The following WWC1 variants were observed in gnomAD, a reference collection of about 807,000 sequenced individuals.
WWC1 encodes protein KIBRA.
In WWC1, 55 loss-of-function variants were observed where a neutral mutation model predicts 138.4. The observed-to-expected ratio is 0.40, with a 90% confidence interval of 0.32 to 0.50. The LOEUF is 0.50. WWC1 is among the 20% of genes least tolerant of loss of function. The pLI is 0.72. For missense variants in WWC1, 1,226 were observed against 1,420.4 expected (o/e 0.86, Z 2.20); for synonymous variants, 524 against 564.9 (o/e 0.93, Z 1.03).
chr5:168,407,718 A>G (rs530716412), intron 6 of WWC1, among the ~76,000 whole-genome samples: 9 of 152,302 alleles, frequency 5.9e-5, no homozygotes, highest in Non-Finnish European at 1.2e-4. Context: ...ATCATAGGTC[A>G]TTCTTTGTAT....
chr5:168,314,777 G>A (rs1348126823), intron 1 of WWC1, among the ~76,000 whole-genome samples: 1 of 152,072 alleles, frequency 6.6e-6, no homozygotes, highest in Non-Finnish European at 1.5e-5. Flanking sequence ...AGCCATTCAC[G>A]GGCTGCAGAG....
chr5:168,397,577 T>C (rs919846503), intron 3 of WWC1, 147 bp from the exon 4 acceptor site: 35 of 739,046 alleles, frequency 4.7e-5, no homozygotes, highest in Non-Finnish European at 1.1e-5. Context: ...GTGTACCATC[T>C]TTATGTAACA....
Position 168,351,144 on chromosome 5 carries a change from C to CAA in WWC1, c.120-20264_120-20263dup, listed in dbSNP as rs959882089. 2.5e-3 allele frequency among the ~76,000 whole-genome samples: 264 copies of CAA among 105,472 alleles called. 1 individual carries two copies. Among genetic ancestry groups the CAA allele is most frequent in the African/African-American group, 8.0e-3 (239 of 29,886 alleles). 69.2% of individuals were successfully genotyped at this position (105,472 alleles called of 152,430 possible). On this transcript the variant is annotated intron_variant, in intron 1 of 22. Coordinates refer to ENST00000265293, the MANE Select transcript of WWC1 (RefSeq NM_015238.3). ...CCTGGGCAACAGTGAGACCTTGTCT[C>CAA]AAAAAAAAAAAAAAAAATCCCAGCT...
chr5:168,421,642 G>T (rs1317216059), intron 9 of WWC1, among the ~76,000 whole-genome samples: 1 of 152,162 alleles, frequency 6.6e-6, no homozygotes, highest in Non-Finnish European at 1.5e-5. Context: ...AGGAGGGTAT[G>T]GTTGGGTGAA....
chr5:168,374,572 A>T (rs1229510009), intron 2 of WWC1, among the ~76,000 whole-genome samples: 1 of 152,074 alleles, frequency 6.6e-6, no homozygotes, highest in African/African-American at 2.4e-5. Context: ...GAGAGGGGAG[A>T]AGGACATCAG....
chr5:168,356,459 C>T (rs1004047679), intron 1 of WWC1, among the ~76,000 whole-genome samples: 1 of 152,214 alleles, frequency 6.6e-6, no homozygotes, highest in African/African-American at 2.4e-5. Flanking sequence ...TGTCATACAT[C>T]GGTGTCAGGC....
intron 2 of WWC1, among the ~76,000 whole-genome samples, chr5:168,380,330 G>A (rs1777521518): frequency 6.6e-6 from 1 of 152,092 alleles, no homozygotes; most frequent in Admixed American, 6.5e-5. Flanking sequence ...ATCAGCTGGG[G>A]CATGGTGGTA....
At chr5:168,445,844 T>G (rs1755209105) in intron 17 of WWC1, among the ~76,000 whole-genome samples, 1 of 152,174 alleles carries the variant, frequency 6.6e-6, no homozygotes, top group African/African-American at 2.4e-5. Context: ...CCGAGGCTGC[T>G]TTATAGCCCA....
chr5:168,395,155 C>T (rs11750779), intron 3 of WWC1, among the ~76,000 whole-genome samples: 1 of 152,262 alleles, frequency 6.6e-6, no homozygotes, highest in South Asian at 2.1e-4. Context: ...CTCTCCCTGT[C>T]TGAGTCAGGT....
chr5:168,370,339 C>T (rs1336257326), intron 1 of WWC1, among the ~76,000 whole-genome samples: 3 of 152,184 alleles, frequency 2.0e-5, no homozygotes, highest in African/African-American at 7.2e-5. Flanking sequence ...AGCAGGGGAG[C>T]TGTTGGGAGG....
chr5:168,408,631 C>T lies in WWC1; in HGVS notation c.845C>T (p.Ser282Phe). 1 of 1,614,128 alleles carries T rather than the reference C, an allele frequency of 6.2e-7. No individual in the cohort carries two copies. Among genetic ancestry groups the T allele is most frequent in the East Asian group, 2.2e-5 (1 of 44,872 alleles). The change falls in exon 7 of 23, where the codon TCC becomes TTC. Residue 282 changes from serine (S) to phenylalanine (F), a missense_variant. Transcript: ENST00000265293. Reference sequence around the variant, plus strand: ...CCGAAACAGTACCTGGATGTGAGCTCCCAGACAGACATCTCGGGAAGCGTG... The same window carrying T: ...CCGAAACAGTACCTGGATGTGAGCTTCCAGACAGACATCTCGGGAAGCGTG... ...PLPKQYLDVSSQTDISGSFGI... is the reference protein window; with the variant it reads ...PLPKQYLDVSFQTDISGSFGI...
intron 1 of WWC1, among the ~76,000 whole-genome samples, chr5:168,297,060 A>G (rs1317740058): frequency 6.6e-6 from 1 of 152,152 alleles, no homozygotes; most frequent in Non-Finnish European, 1.5e-5. Flanking sequence ...TAATTGACAT[A>G]TTGTCCCTGA....
intron 6 of WWC1, among the ~76,000 whole-genome samples, chr5:168,407,947 CA>C (rs1779926985): frequency 1.3e-5 from 2 of 151,252 alleles, no homozygotes; most frequent in South Asian, 4.2e-4. Context: ...ACTGCAGCGT[CA>C]AACTCCTGGG....
At chr5:168,441,944 G>A in intron 16 of WWC1, 110 bp downstream of exon 16, 3 of 1,434,036 alleles carry the variant, frequency 2.1e-6, no homozygotes, top group South Asian at 1.5e-5. Flanking sequence ...GGAGAACAAT[G>A]GGGTGGAGGA....
At chr5:168,380,282 A>C (rs923952790) in intron 2 of WWC1, among the ~76,000 whole-genome samples, 13 of 152,104 alleles carry the variant, frequency 8.5e-5, no homozygotes, top group African/African-American at 2.9e-4. Context: ...ACAGGGCAAC[A>C]CAGTGAGACC....
intron 20 of WWC1, among the ~76,000 whole-genome samples, chr5:168,464,270 A>C (rs1457340699): frequency 6.6e-6 from 1 of 152,228 alleles, no homozygotes; most frequent in Non-Finnish European, 1.5e-5. Flanking sequence ...GTATTGGGGA[A>C]ACAACTTCAG....
chr5:168,431,478 C>A, intron 15 of WWC1, 34 bp downstream of exon 15: 1 of 1,531,916 alleles, frequency 6.5e-7, no homozygotes, highest in Non-Finnish European at 8.8e-7. Context: ...GGCTGGCTGG[C>A]TGGCTGGCTG....
intron 1 of WWC1, among the ~76,000 whole-genome samples, chr5:168,364,114 C>T (rs1776103806): frequency 6.6e-6 from 1 of 152,034 alleles, no homozygotes; most frequent in Non-Finnish European, 1.5e-5. Flanking sequence ...CCCACAACAC[C>T]CTTATGAGAG....
chr5:168,421,588 G>A (rs1487552010), intron 9 of WWC1, among the ~76,000 whole-genome samples: 2 of 152,138 alleles, frequency 1.3e-5, no homozygotes, highest in Non-Finnish European at 2.9e-5. Flanking sequence ...AGTACAAAAC[G>A]GGCATTCAGT....
Sources: gnomAD v4.1 joint callset for allele counts (sites outside exome capture counted in the v4.1 genomes callset) on GRCh38, gnomAD v4.1.1 for gene constraint, MANE v1.5 for transcripts, NCBI Gene and HGNC (gene_info 2026-07-23, HGNC 2026-07-21) for gene names.